EDIL3: variants seen among roughly 807,000 people sequenced by gnomAD.
The protein encoded by EDIL3 is EGF like and discoidin domains 3.
Under a neutral mutation model 67.4 loss-of-function variants are expected in EDIL3, and 37 were observed. That is an observed-to-expected ratio of 0.55 (90% CI 0.42 to 0.72). The LOEUF is 0.72. EDIL3 is among the 30% of genes least tolerant of loss of function. EDIL3 has a pLI of 0.00. For missense variants in EDIL3, 527 were observed against 586.3 expected, an observed-to-expected ratio of 0.90 and a Z score of 1.04; for synonymous variants, 195 against 196.3, an observed-to-expected ratio of 0.99 and a Z score of 0.05.
intron 9 of EDIL3, among the ~76,000 whole-genome samples, chr5:84,052,546 G>T (rs1746360391): frequency 6.6e-6 from 1 of 152,136 alleles, no homozygotes; most frequent in South Asian, 2.1e-4. Context: ...CCATCAGTGT[G>T]CTGTATTCAG....
intron 3 of EDIL3, among the ~76,000 whole-genome samples, chr5:84,196,581 T>C (rs1323057752): frequency 3.9e-5 from 6 of 152,044 alleles, no homozygotes; most frequent in Non-Finnish European, 7.4e-5. Context: ...TAGAATGTAA[T>C]TGATGTGAGG....
At chr5:84,158,293 T>C (rs1019385509) in intron 4 of EDIL3, among the ~76,000 whole-genome samples, 2 of 152,044 alleles carry the variant, frequency 1.3e-5, no homozygotes, top group South Asian at 2.1e-4. Flanking sequence ...GCTCTGAAAG[T>C]GAATACTGCT....
chr5:83,971,204 T>C (rs1744785326), intron 9 of EDIL3, among the ~76,000 whole-genome samples: 1 of 151,748 alleles, frequency 6.6e-6, no homozygotes. Context: ...AGCACCTCTC[T>C]TATTTTCTCA....
At chr5:84,266,345 A>G (rs893110819) in intron 1 of EDIL3, among the ~76,000 whole-genome samples, 5 of 152,220 alleles carry the variant, frequency 3.3e-5, no homozygotes, top group African/African-American at 7.2e-5. Context: ...CCCCAACATG[A>G]AAGAGGAGGG....
intron 9 of EDIL3, among the ~76,000 whole-genome samples, chr5:84,051,487 G>A (rs1746338057): frequency 6.6e-6 from 1 of 152,198 alleles, no homozygotes; most frequent in African/African-American, 2.4e-5. Context: ...GAGAGAAGAA[G>A]GCTTCAGATG....
intron 6 of EDIL3, among the ~76,000 whole-genome samples, chr5:84,096,558 A>T (rs1203839036): frequency 6.6e-6 from 1 of 152,180 alleles, no homozygotes; most frequent in Non-Finnish European, 1.5e-5. Flanking sequence ...CACTGTATCT[A>T]GGAAGTAACT....
At chr5:84,204,997 T>A (rs868772543) in intron 3 of EDIL3, among the ~76,000 whole-genome samples, 1 of 152,026 alleles carries the variant, frequency 6.6e-6, no homozygotes, top group South Asian at 2.1e-4. Context: ...ACCATAGCTT[T>A]GATCTCCCGG....
intron 1 of EDIL3, among the ~76,000 whole-genome samples, chr5:84,294,365 A>G (rs1188949905): frequency 7.0e-6 from 1 of 143,504 alleles, no homozygotes; most frequent in East Asian, 2.0e-4. Flanking sequence ...AGCCTGGGTG[A>G]CAGAGCGAGA....
intron 1 of EDIL3, among the ~76,000 whole-genome samples, chr5:84,289,559 T>A (rs1189107270): frequency 6.6e-6 from 1 of 152,134 alleles, no homozygotes; most frequent in East Asian, 1.9e-4. Context: ...TTGTAGTCTG[T>A]CCCCAATTCC....
rs1470896933 is a variant in EDIL3, at chr5:84,111,208, T to C, written c.470-4378A>G. 4.6e-5 allele frequency among the ~76,000 whole-genome samples: 7 copies of C among 152,266 alleles called. No homozygotes were observed. The East Asian group carries it at 1.4e-3, about 29-fold the overall frequency. ...CATGCTTCCTATACAGCTTGTGGAA[T>C]GGTGAGTCAATTAAACTATTTTCTT... On this transcript the variant is annotated intron_variant, in intron 5 of 10. Transcript: ENST00000296591.
At chr5:83,999,846 A>G (rs994167960) in intron 9 of EDIL3, among the ~76,000 whole-genome samples, 1 of 152,104 alleles carries the variant, frequency 6.6e-6, no homozygotes, top group Non-Finnish European at 1.5e-5. Flanking sequence ...AAGACATTTA[A>G]TAATCAAAAT....
chr5:83,948,043 G>C (rs1744344578), intron 10 of EDIL3, among the ~76,000 whole-genome samples: 1 of 151,788 alleles, frequency 6.6e-6, no homozygotes, highest in South Asian at 2.1e-4. Flanking sequence ...AAAAGATAGA[G>C]TGCGCCTTTG....
chr5:84,062,422 C>T (rs1207659021), intron 8 of EDIL3, among the ~76,000 whole-genome samples: 1 of 152,030 alleles, frequency 6.6e-6, no homozygotes, highest in Admixed American at 6.6e-5. Context: ...TGTGATATAA[C>T]ATAGTATTGA....
intron 10 of EDIL3, among the ~76,000 whole-genome samples, chr5:83,959,436 A>G (rs1744570091): frequency 6.6e-6 from 1 of 150,956 alleles, no homozygotes; most frequent in South Asian, 2.1e-4. Flanking sequence ...CCAAAAATCT[A>G]TTAAAGCAAG....
At chr5:84,148,390 T>A (rs1217565402) in intron 4 of EDIL3, among the ~76,000 whole-genome samples, 1 of 152,134 alleles carries the variant, frequency 6.6e-6, no homozygotes, top group Non-Finnish European at 1.5e-5. Context: ...GCAAAGCATG[T>A]GGAAACTTTA....
At chr5:83,995,157 T>TACACACGCACACACACTTAC (rs1554062577) in intron 9 of EDIL3, among the ~76,000 whole-genome samples, 1 of 149,052 alleles carries the variant, frequency 6.7e-6, no homozygotes, top group Non-Finnish European at 1.5e-5. Context: ...CACACACACA[T>TACACACGCACACACACTTAC]ACACACACAC....
At chr5:84,336,627 AAG>A (rs1188376477) in intron 1 of EDIL3, among the ~76,000 whole-genome samples, 1 of 152,112 alleles carries the variant, frequency 6.6e-6, no homozygotes, top group Non-Finnish European at 1.5e-5. Flanking sequence ...TGGGAGGAGA[AAG>A]AGGTTGAAGA....
chr5:84,079,558 T>C (rs1746925843), intron 6 of EDIL3, among the ~76,000 whole-genome samples: 1 of 152,082 alleles, frequency 6.6e-6, no homozygotes, highest in African/African-American at 2.4e-5. Context: ...TTTTTTTTTT[T>C]CTATCTCAAA....
intron 10 of EDIL3, among the ~76,000 whole-genome samples, chr5:83,953,564 T>C (rs576992597): frequency 1.3e-5 from 2 of 151,920 alleles, no homozygotes; most frequent in East Asian, 3.9e-4. Flanking sequence ...TAATTATTAT[T>C]AAATATCAGA....
Sources: gnomAD v4.1 joint callset for allele counts (sites outside exome capture counted in the v4.1 genomes callset) on GRCh38, gnomAD v4.1.1 for gene constraint, MANE v1.5 for transcripts, NCBI Gene and HGNC (gene_info 2026-07-23, HGNC 2026-07-21) for gene names.